IFIT5: variants seen among roughly 807,000 people sequenced by gnomAD.
IFIT5 encodes the protein interferon induced protein with tetratricopeptide repeats 5.
A neutral mutation model predicts 5.0 loss-of-function variants in IFIT5; 2 were observed. The ratio of observed to expected loss-of-function variants is 0.40; its 90% CI spans 0.16 to 1.26. IFIT5 has a LOEUF of 1.26. Ranked by LOEUF, IFIT5 falls within the 50% of genes most tolerant of loss-of-function variation. The pLI is 0.33. For missense variants in IFIT5, 524 were observed against 563.2 expected, an observed-to-expected ratio of 0.93 and a Z score of 0.70; for synonymous variants, 206 against 204.6, an observed-to-expected ratio of 1.01 and a Z score of -0.06.
intron 1 of IFIT5, among the ~76,000 whole-genome samples, chr10:89,415,127 C>A (rs1267966980): frequency 6.6e-6 from 1 of 152,178 alleles, no homozygotes; most frequent in Admixed American, 6.5e-5. Flanking sequence ...CGTCTGCGGT[C>A]GGGACTGTCA....
rs183141851 is a variant in IFIT5 at position 89,419,945 on chromosome 10, T to C, written c.*1297T>C. The stretch of plus-strand genomic sequence containing the variant: ...AATTATTATGTATGTGTGTGTGTTT[T>C]ACTTTTTGTTTTTTATCATCTTTAA... On this transcript the variant is annotated 3_prime_UTR_variant, in exon 2 of 2. Coordinates refer to ENST00000371795, the MANE Select transcript of IFIT5 (RefSeq NM_012420.3). The C allele has an allele frequency of 2.8e-4, 42 of 152,274 alleles. No individual in the cohort carries two copies. In the East Asian group the frequency reaches 6.9e-3, roughly 25 times the overall value. 9.4% of individuals were successfully genotyped at this position (152,274 alleles called of 1,614,324 possible).
At chr10:89,416,299 AC>A (rs1180786670) in intron 1 of IFIT5, among the ~76,000 whole-genome samples, 9 of 152,212 alleles carry the variant, frequency 5.9e-5, no homozygotes, top group Middle Eastern at 3.4e-3. Flanking sequence ...AACAACAACA[AC>A]AACAAAAAAC....
rs561700981 is a variant in IFIT5 at position 89,419,143 on chromosome 10, C to G, written c.*495C>G. 6.6e-5 allele frequency: 10 copies of G among 152,178 alleles called. No homozygotes were observed. The highest frequency in any genetic ancestry group is 5.2e-4 in the Admixed American group (8 of 15,266). 9.4% of individuals were successfully genotyped at this position (152,178 alleles called of 1,614,324 possible). A position where few individuals can be genotyped will look rare whatever the true frequency, so the allele number is the denominator to read the frequency against. ...TATTTAGCTATCAATCTAATAGTCACCTAAAATATCTTTTTTGTTGGAAAA... is the reference window on the plus strand; with the variant it reads ...TATTTAGCTATCAATCTAATAGTCAGCTAAAATATCTTTTTTGTTGGAAAA... On this transcript the variant is annotated 3_prime_UTR_variant, in exon 2 of 2. Coordinates refer to ENST00000371795, the MANE Select transcript of IFIT5 (RefSeq NM_012420.3).
Position 89,418,368 on chromosome 10 carries a change from G to A in IFIT5, c.1169G>A (p.Arg390His), listed in dbSNP as rs564765939. The A allele has an allele frequency of 4.3e-6, 7 of 1,614,124 alleles. No individual in the cohort carries two copies. Among genetic ancestry groups the A allele is most frequent in the Admixed American group, 1.7e-5 (1 of 60,012 alleles). The change falls in exon 2 of 2, where the codon CGT becomes CAT. Residue 390 changes from arginine to histidine, a missense_variant. Physicochemically the swap from Arg to His is conservative, Grantham distance 29. Transcript: ENST00000371795. ...TATGGCCGCTTTCAGGAATTTCACCGTAAATCAGAAAATACTGCCATCCAT... is the reference window on the plus strand; with the variant it reads ...TATGGCCGCTTTCAGGAATTTCACCATAAATCAGAAAATACTGCCATCCAT... ...YHYGRFQEFH[R>H]KSENTAIHHY...
rs73363507 is a variant in IFIT5 at position 89,414,879 on chromosome 10, T to C, written c.5+76T>C. Reference sequence around the variant, plus strand: ...TCAAACCGGGCTGCTTTTATTCATTTCCAGCGCAGTTCTGCGGCCTTTTCA... The same window carrying C: ...TCAAACCGGGCTGCTTTTATTCATTCCCAGCGCAGTTCTGCGGCCTTTTCA... On this transcript the variant is annotated intron_variant, in intron 1 of 1. Coordinates refer to ENST00000371795, the MANE Select transcript of IFIT5 (RefSeq NM_012420.3). 13,458 of 1,557,872 alleles carry C rather than the reference T, an allele frequency of 8.6e-3. 949 individuals are homozygous for C. The African/African-American group carries it at 0.16, about 18-fold the overall frequency.
chr10:89,418,489 C>A lies in IFIT5; in HGVS notation c.1290C>A (p.His430Gln). The A allele has an allele frequency of 6.2e-7, 1 of 1,614,166 alleles. No individual in the cohort carries two copies. The highest frequency in any genetic ancestry group is 1.1e-5 in the South Asian group (1 of 91,090). Residue 430 changes from histidine (H) to glutamine (Q), a missense_variant, in exon 2 of 2, where the codon CAC (histidine) becomes CAA (glutamine). Coordinates refer to ENST00000371795, the MANE Select transcript of IFIT5 (RefSeq NM_012420.3). ...LKKLSTKRLC[H>Q]NALDVQSLSA... is the part of the protein sequence containing the mutation. ...AATTGTCTACCAAGAGACTTTGTCA[C>A]AATGCTTTAGATGTGCAGAGTTTAA...
At position 89,418,553 on chromosome 10, in the gene IFIT5, A is replaced by G. The variant is rs1478756685; in HGVS notation, c.1354A>G (p.Arg452Gly). ...TGTTTACAAGCTGGAAGGAGAAAAG[A>G]GGCAAGCTGCTGAGTACTATGAGAA... ...GFVYKLEGEK[R>G]QAAEYYEKAQ... Residue 452 changes from arginine to glycine, a missense_variant, in exon 2 of 2, where the codon AGG becomes GGG. Coordinates refer to ENST00000371795, the MANE Select transcript of IFIT5 (RefSeq NM_012420.3). 6.2e-7 allele frequency: 1 copy of G among 1,614,192 alleles called. No individual in the cohort carries two copies. Among genetic ancestry groups the G allele is most frequent in the East Asian group, 2.2e-5 (1 of 44,886 alleles).
rs771362408 is a variant in IFIT5, at chr10:89,418,108, C to A, written c.909C>A (p.Ala303=). The change falls in exon 2 of 2, where the codon GCC becomes GCA. Residue 303 remains alanine, a synonymous_variant. Coordinates refer to ENST00000371795, the MANE Select transcript of IFIT5 (RefSeq NM_012420.3). ...CACAAATGATCCAAATCAAGAAGGC[C>A]ACACACAACAGACCTAAAGGAAAGG... ...YRAQMIQIKK[A]THNRPKGKDK... 2 of 1,614,106 alleles carry A rather than the reference C, an allele frequency of 1.2e-6. No individual in the cohort carries two copies. Among genetic ancestry groups the A allele is most frequent in the Middle Eastern group, 1.6e-4 (1 of 6,062 alleles).
chr10:89,414,806 A>G lies in IFIT5; in HGVS notation c.5+3A>G. Reference sequence around the variant, plus strand: ...CTGCAGAGCGCTGCCATCATGAGGTAAGGGTTTTCCTTTGCCTCTCCTCCC... The same window carrying G: ...CTGCAGAGCGCTGCCATCATGAGGTGAGGGTTTTCCTTTGCCTCTCCTCCC... On this transcript the variant is annotated splice_donor_region_variant and intron_variant, in intron 1 of 1. Transcript: ENST00000371795. The G allele has an allele frequency of 6.2e-7, 1 of 1,609,780 alleles. No homozygotes were observed. Among genetic ancestry groups the G allele is most frequent in the Non-Finnish European group, 8.5e-7 (1 of 1,178,266 alleles).
intron 1 of IFIT5, among the ~76,000 whole-genome samples, 181 bp from the exon 2 acceptor site, chr10:89,417,024 A>G (rs1825950357): frequency 6.6e-6 from 1 of 152,244 alleles, no homozygotes; most frequent in Admixed American, 6.5e-5. Flanking sequence ...TTTAAATGAA[A>G]TATTTCTAGG....
Position 89,414,749 on chromosome 10 carries a change from A to C in IFIT5, c.-50A>C, listed in dbSNP as rs773552596. ...CCGCGGTCCCCGGTGCTGAGGAGAG[A>C]GCGATCCGAGGGACTGCGCCGCCCG... On this transcript the variant is annotated 5_prime_UTR_variant, in exon 1 of 2. Coordinates refer to ENST00000371795, the MANE Select transcript of IFIT5 (RefSeq NM_012420.3). 1 of 1,599,576 alleles carries C rather than the reference A, an allele frequency of 6.3e-7. No homozygotes were observed. The highest frequency in any genetic ancestry group is 8.5e-7 in the Non-Finnish European group (1 of 1,175,640).
In IFIT5 at chr10:89,420,984, C is replaced by T. The variant is rs776855059; in HGVS notation, c.*2336C>T. The stretch of plus-strand genomic sequence containing the variant: ...TTGGTATATAATACTCTAATAAAAG[C>T]TGCCTGAGTTGAATTGTATATTGTC... On this transcript the variant is annotated 3_prime_UTR_variant, in exon 2 of 2. Transcript: ENST00000371795. The T allele has an allele frequency of 6.6e-6, 1 of 152,126 alleles. No individual in the cohort carries two copies. The highest frequency in any genetic ancestry group is 1.5e-5 in the Non-Finnish European group (1 of 68,016). The allele number at this position is 152,126 out of a possible 1,614,324, so 9.4% of individuals were successfully genotyped here. A position where few individuals can be genotyped will look rare whatever the true frequency, so the allele number is the denominator to read the frequency against.
intron 1 of IFIT5, among the ~76,000 whole-genome samples, chr10:89,415,129 G>A (rs1238053870): frequency 1.3e-5 from 2 of 152,204 alleles, no homozygotes; most frequent in Admixed American, 1.3e-4. Flanking sequence ...TCTGCGGTCG[G>A]GACTGTCAGG....
At chr10:89,414,838 T>C (rs764996039) in intron 1 of IFIT5, 35 bp downstream of exon 1, 1 of 1,605,216 alleles carries the variant, frequency 6.2e-7, no homozygotes, top group Non-Finnish European at 8.5e-7. Flanking sequence ...TCCCAAGCCC[T>C]GCGTCGGCCT....
Position 89,416,492 on chromosome 10 carries a change from A to G in IFIT5, c.6-713A>G, listed in dbSNP as rs1021004464. Among the ~76,000 whole-genome samples, 4 of 152,252 alleles carry G rather than the reference A, an allele frequency of 2.6e-5. No individual in the cohort carries two copies. The South Asian group carries it at 6.2e-4, about 24-fold the overall frequency. On this transcript the variant is annotated intron_variant, in intron 1 of 1. Coordinates refer to ENST00000371795, the MANE Select transcript of IFIT5 (RefSeq NM_012420.3). ...AGCTTCTCTCTTATTAGCTTCCCAAAGACAAAGTTACAAAATTAAGTAGAC... is the reference window on the plus strand; with the variant it reads ...AGCTTCTCTCTTATTAGCTTCCCAAGGACAAAGTTACAAAATTAAGTAGAC...
intron 1 of IFIT5, 116 bp downstream of exon 1, chr10:89,414,919 C>T (rs1033082746): frequency 1.5e-6 from 2 of 1,325,534 alleles, no homozygotes; most frequent in Admixed American, 2.6e-5. Context: ...CCGAGCCCCT[C>T]GCGCCCAGCA....
chr10:89,414,596 A>G lies in IFIT5; in HGVS notation c.-203A>G. 2.1e-6 allele frequency: 1 copy of G among 485,084 alleles called. No individual in the cohort carries two copies. The highest frequency in any genetic ancestry group is 3.6e-5 in the East Asian group (1 of 28,048). 30.0% of individuals were successfully genotyped at this position (485,084 alleles called of 1,614,324 possible). ...TTCTGAGCGCTCGGCATCTGATTCA[A>G]TCTCCAGTTTCCTGTTCTTGCTGGG... On this transcript the variant is annotated 5_prime_UTR_variant, in exon 1 of 2. Transcript: ENST00000371795.
chr10:89,415,259 T>A (rs2484047), intron 1 of IFIT5, among the ~76,000 whole-genome samples: 26,256 of 152,152 alleles, frequency 0.17, 2,913 homozygotes, highest in East Asian at 0.44. Flanking sequence ...GGGAAACTGG[T>A]CAGCGCCTGC....
chr10:89,415,513 G>T (rs78168892), intron 1 of IFIT5, among the ~76,000 whole-genome samples: 5,393 of 152,270 alleles, frequency 0.035, 140 homozygotes, highest in South Asian at 0.13. Context: ...CACCCAATCC[G>T]CTGTTTTATG....
Sources: allele counts gnomAD v4.1 joint callset (sites outside exome capture counted in the v4.1 genomes callset), GRCh38; gene constraint gnomAD v4.1.1; transcripts MANE v1.5; gene names NCBI Gene and HGNC (gene_info 2026-07-23, HGNC 2026-07-21).